The following WDR70 variants were observed in gnomAD, a reference collection of about 807,000 sequenced individuals.
The protein encoded by WDR70 is WD repeat-containing protein 70.
In WDR70, 53 loss-of-function variants were observed where a neutral mutation model predicts 88.6. The ratio of observed to expected loss-of-function variants is 0.60; its 90% CI spans 0.48 to 0.75. The LOEUF (loss-of-function observed/expected upper bound fraction) is 0.75. Among genes scored for constraint, WDR70 ranks in the 30% least tolerant of loss-of-function variants. The pLI, the probability that WDR70 is intolerant of heterozygous loss-of-function variation, is 0.00. For synonymous variants in WDR70, 280 were observed against 270.0 expected, an observed-to-expected ratio of 1.04 and a Z score of -0.36; for missense variants, 610 against 823.2, an observed-to-expected ratio of 0.74 and a Z score of 3.17.
chr5:37,641,059 T>G (rs1745088849), intron 10 of WDR70, among the ~76,000 whole-genome samples: 1 of 152,216 alleles, frequency 6.6e-6, no homozygotes, highest in Non-Finnish European at 1.5e-5. Flanking sequence ...AGCTCTATGA[T>G]CACTACAAAC....
chr5:37,507,044 CCTA>C (rs572741000), intron 8 of WDR70, among the ~76,000 whole-genome samples: 46 of 152,222 alleles, frequency 3.0e-4, no homozygotes, highest in African/African-American at 1.1e-3. Flanking sequence ...GGCCAGTCTT[CCTA>C]CTACTACAGC....
chr5:37,468,031 A>G (rs1739212488), intron 7 of WDR70, among the ~76,000 whole-genome samples: 1 of 151,458 alleles, frequency 6.6e-6, no homozygotes, highest in Admixed American at 6.6e-5. Context: ...TTGTATTTTT[A>G]GTAGAGACGG....
At chr5:37,737,503 C>T (rs1224240116) in intron 17 of WDR70, among the ~76,000 whole-genome samples, 1 of 152,170 alleles carries the variant, frequency 6.6e-6, no homozygotes, top group Non-Finnish European at 1.5e-5. Context: ...AATCAGAAGT[C>T]CTGAGATTTA....
chr5:37,423,362 T>TA (rs542245071), intron 5 of WDR70, among the ~76,000 whole-genome samples: 7,820 of 125,860 alleles, frequency 0.062, 643 homozygotes, highest in African/African-American at 0.2. Context: ...ACAAAAACAT[T>TA]AAAAAAAAAA....
chr5:37,564,530 A>AG (rs1742675162), intron 9 of WDR70, among the ~76,000 whole-genome samples: 1 of 148,262 alleles, frequency 6.7e-6, no homozygotes, highest in African/African-American at 2.4e-5. Context: ...AGAGAGGGAG[A>AG]GGGAGACGGT....
intron 8 of WDR70, among the ~76,000 whole-genome samples, chr5:37,484,040 G>A (rs1301502871): frequency 2.7e-5 from 4 of 150,162 alleles, no homozygotes; most frequent in Non-Finnish European, 4.4e-5. Flanking sequence ...ACGGGATGGC[G>A]GCCGGGAAGA....
rs759963483 is a variant in WDR70, at chr5:37,752,480, T to C, written c.1878-6T>C. 1.9e-5 allele frequency: 30 copies of C among 1,604,980 alleles called. No homozygotes were observed. The African/African-American group carries it at 3.4e-4, about 18-fold the overall frequency. ...TTTTCCTTCTCTTCTTTAACTTTTC[T>C]TTTAGGACTCAGCCCAAAACCATGT... is the stretch of plus-strand genomic sequence containing the variant. On this transcript the variant is annotated splice_region_variant and splice_polypyrimidine_tract_variant and intron_variant, in intron 17 of 17. Coordinates refer to ENST00000265107, the MANE Select transcript of WDR70 (RefSeq NM_018034.4).
At chr5:37,558,555 G>A (rs1429576640) in intron 9 of WDR70, among the ~76,000 whole-genome samples, 2 of 151,580 alleles carry the variant, frequency 1.3e-5, no homozygotes, top group South Asian at 2.1e-4. Context: ...TGAACTCCTC[G>A]GCTCAAACAA....
chr5:37,527,383 A>G (rs569137095), intron 9 of WDR70, among the ~76,000 whole-genome samples: 4 of 152,354 alleles, frequency 2.6e-5, no homozygotes, highest in African/African-American at 9.6e-5. Context: ...GAAATGGGGA[A>G]AGGATTCCCT....
rs1218835876 is a variant in WDR70, at chr5:37,752,773, T to C, written c.*200T>C. The C allele has an allele frequency of 1.0e-5, 5 of 491,176 alleles. No individual in the cohort carries two copies. The highest frequency in any genetic ancestry group is 1.4e-5 in the Non-Finnish European group (4 of 281,006). The allele number at this position is 491,176 out of a possible 1,614,324, so 30.4% of individuals were successfully genotyped here. ...TCTTACCTGCAACTATTAAACTGATTACAGATAAACAAGAAACAGATTCTT... is the reference window on the plus strand; with the variant it reads ...TCTTACCTGCAACTATTAAACTGATCACAGATAAACAAGAAACAGATTCTT... On this transcript the variant is annotated 3_prime_UTR_variant, in exon 18 of 18. Coordinates refer to ENST00000265107, the MANE Select transcript of WDR70 (RefSeq NM_018034.4).
At chr5:37,694,198 A>G (rs1746908683) in intron 10 of WDR70, among the ~76,000 whole-genome samples, 1 of 152,214 alleles carries the variant, frequency 6.6e-6, no homozygotes, top group African/African-American at 2.4e-5. Context: ...TCAGGAAACA[A>G]CAGATGCTGG....
chr5:37,555,873 C>G (rs368549462), intron 9 of WDR70, among the ~76,000 whole-genome samples: 90 of 152,234 alleles, frequency 5.9e-4, no homozygotes, highest in African/African-American at 2.1e-3. Context: ...CATATGCCAA[C>G]ACGCCTGACT....
intron 9 of WDR70, among the ~76,000 whole-genome samples, chr5:37,535,428 G>T (rs950063987): frequency 6.6e-6 from 1 of 152,104 alleles, no homozygotes; most frequent in African/African-American, 2.4e-5. Context: ...TGGAAAAGAG[G>T]ACAGGGCCAC....
At chr5:37,688,121 A>G in intron 10 of WDR70, 1 of 434,732 alleles carries the variant, frequency 2.3e-6, no homozygotes. Context: ...AATAAAGTAT[A>G]TATTGATCAG....
intron 9 of WDR70, among the ~76,000 whole-genome samples, chr5:37,589,794 G>A (rs565190092): frequency 1.3e-5 from 2 of 152,046 alleles, no homozygotes; most frequent in Non-Finnish European, 2.9e-5. Flanking sequence ...TAGAGACAGG[G>A]TTTCGCCATG....
At chr5:37,643,736 A>G (rs1324329596) in intron 10 of WDR70, among the ~76,000 whole-genome samples, 1 of 151,648 alleles carries the variant, frequency 6.6e-6, no homozygotes, top group Non-Finnish European at 1.5e-5. Flanking sequence ...TTTAGTTTTT[A>G]TTTGTAGCTC....
At chr5:37,548,190 A>G (rs1030090954) in intron 9 of WDR70, among the ~76,000 whole-genome samples, 8 of 152,020 alleles carry the variant, frequency 5.3e-5, no homozygotes, top group Non-Finnish European at 7.4e-5. Flanking sequence ...ATTATATGGT[A>G]TCTCTATTTT....
At chr5:37,432,354 C>G (rs1422574103) in intron 5 of WDR70, among the ~76,000 whole-genome samples, 2 of 152,138 alleles carry the variant, frequency 1.3e-5, no homozygotes, top group East Asian at 3.9e-4. Flanking sequence ...ATTTGTTTAC[C>G]TTCTTTGGAG....
rs185804715 is a variant in WDR70 at position 37,740,438 on chromosome 5, G to T, written c.1878-12048G>T. Among the ~76,000 whole-genome samples, 342 of 152,314 alleles carry T rather than the reference G, an allele frequency of 2.2e-3. 2 individuals carry two copies. Among genetic ancestry groups the T allele is most frequent in the African/African-American group, 7.9e-3 (330 of 41,570 alleles). ...CCTACAAAACACTGGTGTTCCTTAG[G>T]CTTGGTAGAGATGTTCAGTGTGCTA... On this transcript the variant is annotated intron_variant, in intron 17 of 17. Transcript: ENST00000265107.
Sources: allele counts gnomAD v4.1 joint callset (sites outside exome capture counted in the v4.1 genomes callset), GRCh38; gene constraint gnomAD v4.1.1; transcripts MANE v1.5; gene names NCBI Gene and HGNC (gene_info 2026-07-23, HGNC 2026-07-21).